Variants in AIG1 observed in about 807,000 individuals in gnomAD.
AIG1 encodes the protein androgen induced 1, also known as androgen-induced gene 1 protein.
Under a neutral mutation model 31.4 loss-of-function variants are expected in AIG1, and 23 were observed. That is an observed-to-expected ratio of 0.73 (90% confidence interval 0.53 to 1.04). The LOEUF (loss-of-function observed/expected upper bound fraction) is 1.04. AIG1 is among the 50% of genes least tolerant of loss of function. The pLI, the probability that AIG1 is intolerant of heterozygous loss-of-function variation, is 0.00. For synonymous variants in AIG1, 100 were observed against 110.5 expected (o/e 0.90, Z 0.60); for missense variants, 274 against 295.0 (o/e 0.93, Z 0.52).
chr6:143,223,517 G>C (rs757579784), intron 3 of AIG1, among the ~76,000 whole-genome samples: 4 of 152,038 alleles, frequency 2.6e-5, no homozygotes, highest in Non-Finnish European at 5.9e-5. Flanking sequence ...TGGAGGTGTT[G>C]CTTTTTGAAA....
chr6:143,194,798 C>T (rs1203116415), intron 3 of AIG1, among the ~76,000 whole-genome samples: 5 of 152,124 alleles, frequency 3.3e-5, no homozygotes, highest in South Asian at 2.1e-4. Context: ...GATGCTGTCC[C>T]GCAGCAGCAC....
At chr6:143,247,999 A>G (rs1488591084) in intron 3 of AIG1, among the ~76,000 whole-genome samples, 3 of 152,022 alleles carry the variant, frequency 2.0e-5, no homozygotes, top group African/African-American at 7.2e-5. Flanking sequence ...AGTACTAATA[A>G]CCCATATTGG....
rs1272467 is a variant in AIG1 at position 143,340,968 on chromosome 6, A to G, written c.*1292A>G. 6.6e-6 allele frequency among the ~76,000 whole-genome samples: 1 copy of G among 152,212 alleles called. No individual in the cohort carries two copies. Among genetic ancestry groups the G allele is most frequent in the Non-Finnish European group, 1.5e-5 (1 of 68,040 alleles). ...TTAAAATTAAAAAATGAAAAGCATTAAACTTTTTAATTTGAAAAAAATTTA... is the reference window on the plus strand; with the variant it reads ...TTAAAATTAAAAAATGAAAAGCATTGAACTTTTTAATTTGAAAAAAATTTA... On this transcript the variant is annotated 3_prime_UTR_variant, in exon 6 of 6. Transcript: ENST00000357847.
chr6:143,072,024 T>G (rs1777335711), intron 1 of AIG1, among the ~76,000 whole-genome samples: 2 of 151,982 alleles, frequency 1.3e-5, no homozygotes, highest in African/African-American at 4.8e-5. Context: ...ACTCTTGGCC[T>G]CAAGTGATCC....
chr6:143,243,442 A>G (rs1366234547), intron 3 of AIG1, among the ~76,000 whole-genome samples: 2 of 152,252 alleles, frequency 1.3e-5, no homozygotes, highest in Non-Finnish European at 2.9e-5. Flanking sequence ...GGTGCTTCCC[A>G]TAATTATACA....
intron 3 of AIG1, chr6:143,190,337 G>C (rs1789677044): frequency 1.0e-6 from 1 of 985,334 alleles, no homozygotes. Context: ...TTTGATGCTT[G>C]AGGCTCCTCA....
intron 4 of AIG1, among the ~76,000 whole-genome samples, chr6:143,320,570 G>A (rs369146466): frequency 1.2e-4 from 18 of 152,256 alleles, no homozygotes; most frequent in East Asian, 7.7e-4. Flanking sequence ...GGATTAAGCC[G>A]AAATGACATT....
At chr6:143,133,762 T>C (rs1405014831) in intron 1 of AIG1, among the ~76,000 whole-genome samples, 2 of 152,134 alleles carry the variant, frequency 1.3e-5, no homozygotes, top group Admixed American at 1.3e-4. Context: ...TTGTAGTGAA[T>C]TAACTTGTCC....
rs1207138402 is a variant in AIG1 at position 143,338,469 on chromosome 6, A to G, written c.680-1170A>G. 1.3e-5 allele frequency: 2 copies of G among 153,258 alleles called. No individual in the cohort carries two copies. Among genetic ancestry groups the G allele is most frequent in the African/African-American group, 4.8e-5 (2 of 41,462 alleles). The allele number at this position is 153,258 out of a possible 1,614,324, so 9.5% of individuals were successfully genotyped here. ...CAGAGCACGTTACCCACATTCCACCACCACTACTCTGACAGCACAAAACAT... is the reference window on the plus strand; with the variant it reads ...CAGAGCACGTTACCCACATTCCACCGCCACTACTCTGACAGCACAAAACAT... On this transcript the variant is annotated intron_variant, in intron 5 of 5. Coordinates refer to ENST00000357847, the MANE Select transcript of AIG1 (RefSeq NM_016108.4). This position sits in a 1 kb window ranked among gnomAD's most constrained non-coding sequence, Gnocchi z 4.3.
intron 1 of AIG1, among the ~76,000 whole-genome samples, chr6:143,079,779 CTTTTTT>C (rs78637706): frequency 2.8e-5 from 3 of 106,972 alleles, no homozygotes; most frequent in African/African-American, 7.2e-5. Flanking sequence ...GGATAGATTC[CTTTTTT>C]TTTTTTTTTT....
intron 1 of AIG1, among the ~76,000 whole-genome samples, chr6:143,078,280 C>T (rs1777909471): frequency 6.6e-6 from 1 of 152,122 alleles, no homozygotes; most frequent in African/African-American, 2.4e-5. Context: ...TAACAGTGTT[C>T]ATCTTTACCT....
At chr6:143,118,019 T>C (rs2128497030) in intron 1 of AIG1, among the ~76,000 whole-genome samples, 1 of 152,334 alleles carries the variant, frequency 6.6e-6, no homozygotes, top group East Asian at 1.9e-4. Context: ...TGCAGGATGC[T>C]TCACAATAGT....
chr6:143,105,592 C>T (rs1480572110), intron 1 of AIG1, among the ~76,000 whole-genome samples: 1 of 152,226 alleles, frequency 6.6e-6, no homozygotes, highest in Admixed American at 6.5e-5. Flanking sequence ...TGTCCACAAG[C>T]ACAGTCCTAT....
At chr6:143,190,147 A>T (rs1243630462) in intron 3 of AIG1, 1 of 982,062 alleles carries the variant, frequency 1.0e-6, no homozygotes, top group Non-Finnish European at 1.2e-6. Context: ...GGGTTTCAAC[A>T]TATGAATTTT....
chr6:143,332,020 C>T (rs1037758011), intron 4 of AIG1, among the ~76,000 whole-genome samples: 2 of 151,762 alleles, frequency 1.3e-5, no homozygotes, highest in Middle Eastern at 3.4e-3. Context: ...TACAGGCGCG[C>T]ACCACCACGC....
chr6:143,113,602 C>T (rs1374096264), intron 1 of AIG1, among the ~76,000 whole-genome samples: 2 of 106,886 alleles, frequency 1.9e-5, no homozygotes, highest in East Asian at 4.8e-4. Flanking sequence ...GACTCCATCT[C>T]AAAAAAAAAA....
intron 1 of AIG1, among the ~76,000 whole-genome samples, chr6:143,136,181 A>G (rs1392539240): frequency 6.6e-6 from 1 of 152,212 alleles, no homozygotes; most frequent in African/African-American, 2.4e-5. Flanking sequence ...TTTATTTCAT[A>G]AATACTAAAA....
chr6:143,149,233 A>G (rs937627485), intron 2 of AIG1, among the ~76,000 whole-genome samples: 4 of 152,160 alleles, frequency 2.6e-5, no homozygotes, highest in African/African-American at 9.7e-5. Context: ...ATGTATCAGA[A>G]TAAGAGTAGG....
At chr6:143,210,970 AT>A (rs1263163485) in intron 3 of AIG1, among the ~76,000 whole-genome samples, 2 of 152,130 alleles carry the variant, frequency 1.3e-5, no homozygotes, top group Non-Finnish European at 2.9e-5. Flanking sequence ...TTTCCTCCTA[AT>A]TTTTTAGGGG....
Sources: allele counts gnomAD v4.1 joint callset (sites outside exome capture counted in the v4.1 genomes callset), GRCh38; gene constraint gnomAD v4.1.1; non-coding constraint Gnocchi (gnomAD v3.1); transcripts MANE v1.5; gene names NCBI Gene and HGNC (gene_info 2026-07-23, HGNC 2026-07-21).